OTOF: variants seen among roughly 807,000 people sequenced by gnomAD.
OTOF encodes otoferlin, also known as fer-1-like family member 2.
OTOF carries 218 observed loss-of-function variants against 236.8 expected under a neutral mutation model. That is an observed-to-expected ratio of 0.92 (90% CI 0.82 to 1.03). The LOEUF is 1.03. OTOF is among the 50% of genes least tolerant of loss of function. The pLI, the probability that OTOF is intolerant of heterozygous loss-of-function variation, is 0.00. For synonymous variants in OTOF, 1,041 were observed against 1,072.5 expected, an observed-to-expected ratio of 0.97 and a Z score of 0.57; for missense variants, 2,590 against 2,694.4, an observed-to-expected ratio of 0.96 and a Z score of 0.86.
intron 14 of OTOF, 75 bp from the exon 15 acceptor site, chr2:26,481,084 G>A (rs1364491981): frequency 9.1e-7 from 1 of 1,099,114 alleles, no homozygotes; most frequent in Non-Finnish European, 1.4e-6. Flanking sequence ...CTCTTTTGGG[G>A]GTCCCTGGCC....
intron 30 of OTOF, among the ~76,000 whole-genome samples, chr2:26,471,918 GCA>G (rs1305283239): frequency 2.7e-5 from 4 of 150,936 alleles, no homozygotes; most frequent in Non-Finnish European, 4.4e-5. Flanking sequence ...CCACACTCAT[GCA>G]CATTTACCTA....
chr2:26,554,870 C>T (rs1435160617), intron 1 of OTOF, among the ~76,000 whole-genome samples: 1 of 152,176 alleles, frequency 6.6e-6, no homozygotes, highest in Non-Finnish European at 1.5e-5. Flanking sequence ...TATGTGGAAG[C>T]CAGATCCAGC....
chr2:26,527,464 C>A (rs1335951191), intron 3 of OTOF, among the ~76,000 whole-genome samples: 2 of 152,186 alleles, frequency 1.3e-5, no homozygotes, highest in Non-Finnish European at 2.9e-5. Flanking sequence ...TGGAGGAGAT[C>A]ATCAGCCCCT....
At chr2:26,486,076 T>C (rs1558493463) in intron 11 of OTOF, among the ~76,000 whole-genome samples, 1 of 151,890 alleles carries the variant, frequency 6.6e-6, no homozygotes, top group Non-Finnish European at 1.5e-5. Flanking sequence ...GGCTGAGAGA[T>C]AGACGGACAG....
intron 8 of OTOF, among the ~76,000 whole-genome samples, chr2:26,497,262 G>A (rs547577591): frequency 6.6e-6 from 1 of 151,976 alleles, no homozygotes; most frequent in South Asian, 2.1e-4. Context: ...GCCACCGCAC[G>A]GCTAATTTTT....
chr2:26,513,761 C>T (rs950435273), intron 5 of OTOF, among the ~76,000 whole-genome samples: 19 of 152,324 alleles, frequency 1.2e-4, no homozygotes, highest in African/African-American at 3.8e-4. Flanking sequence ...GGGCTCCTAA[C>T]GGGGTCAGAG....
chr2:26,460,856 A>G lies in OTOF; in HGVS notation c.5708T>C (p.Leu1903Pro), dbSNP rs1664429155. 3.7e-6 allele frequency: 6 copies of G among 1,613,828 alleles called. No individual in the cohort carries two copies. Among genetic ancestry groups the G allele is most frequent in the Non-Finnish European group, 5.1e-6 (6 of 1,179,960 alleles). Residue 1903 changes from leucine to proline, a missense_variant, in exon 44 of 47, where the codon CTC becomes CCC. Coordinates refer to ENST00000272371, the MANE Select transcript of OTOF (RefSeq NM_194248.3). This position sits in a 1 kb window ranked among gnomAD's most constrained non-coding sequence, Gnocchi z 5.3. ...LARNENDEFE[L>P]TGKVEAELHL... Reference sequence around the variant, plus strand: ...CGAGCAGGAAGGGGTGCGCACCGTGAGCTCAAACTCATCGTTCTCATTGCG... The same window carrying G: ...CGAGCAGGAAGGGGTGCGCACCGTGGGCTCAAACTCATCGTTCTCATTGCG...
At chr2:26,489,607 C>T (rs1665787746) in intron 10 of OTOF, 71 bp downstream of exon 10, 2 of 1,322,560 alleles carry the variant, frequency 1.5e-6, no homozygotes, top group Non-Finnish European at 2.2e-6. Context: ...CAGAGGGGGC[C>T]CCTCTCAAGT....
At chr2:26,480,676 C>T (rs1201773983) in intron 15 of OTOF, 110 bp downstream of exon 15, 5 of 880,638 alleles carry the variant, frequency 5.7e-6, no homozygotes, top group African/African-American at 1.6e-5. Context: ...TGAGGTATGA[C>T]TCCTCAGGTA....
Position 26,470,460 on chromosome 2 carries a change from T to C in OTOF, c.4023+133A>G. On this transcript the variant is annotated intron_variant, in intron 32 of 46. Transcript: ENST00000272371. The surrounding 1 kb of genome is among the most constrained non-coding windows in gnomAD (Gnocchi z 4.3). Reference sequence around the variant, plus strand: ...GAGTTCTGAGCTAGGATTTCAAGGATGTGAGACAAAACCATCCCAAACTCA... The same window carrying C: ...GAGTTCTGAGCTAGGATTTCAAGGACGTGAGACAAAACCATCCCAAACTCA... 2.3e-6 allele frequency: 2 copies of C among 871,028 alleles called. No homozygotes were observed. The highest frequency in any genetic ancestry group is 3.2e-4 in the Middle Eastern group (1 of 3,082). The allele number at this position is 871,028 out of a possible 1,614,324, so 54.0% of individuals were successfully genotyped here. A position where few individuals can be genotyped will look rare whatever the true frequency, so the allele number is the denominator to read the frequency against.
At chr2:26,476,402 T>C (rs1665271654) in intron 22 of OTOF, 85 bp from the exon 23 acceptor site, 1 of 1,292,386 alleles carries the variant, frequency 7.7e-7, no homozygotes, top group Non-Finnish European at 1.1e-6. Context: ...GCAGAGGCCC[T>C]GGTCAGAGCT....
intron 2 of OTOF, among the ~76,000 whole-genome samples, chr2:26,535,868 C>A (rs187998187): frequency 3.9e-5 from 6 of 152,328 alleles, no homozygotes; most frequent in Admixed American, 3.3e-4. Flanking sequence ...TGGTGATTAA[C>A]TTTGAATGTC....
rs746949065 is a variant in OTOF, at chr2:26,477,429, C to A, written c.2393G>T (p.Cys798Phe). The change falls in exon 20 of 47, where the codon TGC becomes TTC. Residue 798 changes from cysteine (C) to phenylalanine (F), a missense_variant. Cys to Phe is a radical substitution (Grantham distance 205). Transcript: ENST00000272371. This position sits in a 1 kb window ranked among gnomAD's most constrained non-coding sequence, Gnocchi z 4.7. Reference sequence around the variant, plus strand: ...TTGCGTCCTCACCAGCTCCCTCATGCAGGACTTGAGGCGCTCCCGGTCAAG... The same window carrying A: ...TTGCGTCCTCACCAGCTCCCTCATGAAGGACTTGAGGCGCTCCCGGTCAAG... ...TRLDRERLKS[C>F]MRELENMGQQ... The A allele has an allele frequency of 2.5e-6, 4 of 1,591,444 alleles. No individual in the cohort carries two copies. In the Admixed American group the frequency reaches 5.3e-5, roughly 21 times the overall value.
chr2:26,502,462 T>C (rs1176608858), intron 6 of OTOF, 36 bp from the exon 7 acceptor site: 3 of 1,602,088 alleles, frequency 1.9e-6, no homozygotes, highest in Non-Finnish European at 2.6e-6. Flanking sequence ...GTGGGCTGAC[T>C]GATGGTGAGA....
At chr2:26,482,689 A>T in intron 13 of OTOF, 97 bp from the exon 14 acceptor site, 1 of 957,976 alleles carries the variant, frequency 1.0e-6, no homozygotes. Flanking sequence ...GTGAGTGGGC[A>T]CATGTGTGCA....
In OTOF at chr2:26,516,610, G is replaced by A. The variant is rs369879663; in HGVS notation, c.328-11C>T. The A allele has an allele frequency of 1.6e-4, 255 of 1,602,422 alleles. 1 individual carries two copies. The highest frequency in any genetic ancestry group is 2.0e-4 in the Non-Finnish European group (238 of 1,179,936). ...CACGCACAGGCTGGTCTGAAGGGAGGGAGGCGGTGGTGAGCAGCTGGGATG... is the reference window on the plus strand; with the variant it reads ...CACGCACAGGCTGGTCTGAAGGGAGAGAGGCGGTGGTGAGCAGCTGGGATG... On this transcript the variant is annotated splice_polypyrimidine_tract_variant and intron_variant, in intron 4 of 46. Transcript: ENST00000272371.
At chr2:26,464,817 C>A in intron 39 of OTOF, 52 bp downstream of exon 39, 1 of 1,560,562 alleles carries the variant, frequency 6.4e-7, no homozygotes, top group Non-Finnish European at 8.7e-7. Context: ...CCCTCCTGGC[C>A]TCTGAAACCC....
intron 4 of OTOF, among the ~76,000 whole-genome samples, chr2:26,518,361 C>G (rs1202079378): frequency 6.6e-6 from 1 of 152,222 alleles, no homozygotes; most frequent in Non-Finnish European, 1.5e-5. Context: ...TTGCCTAAGT[C>G]ACACAGTTAG....
rs1317325011 is a variant in OTOF, at chr2:26,495,072, A to G, written c.767T>C (p.Val256Ala). 1.9e-6 allele frequency: 3 copies of G among 1,614,060 alleles called. No individual in the cohort carries two copies. The South Asian group carries it at 3.3e-5, about 18-fold the overall frequency. The change falls in exon 9 of 47, where the codon GTC becomes GCC. Residue 256 changes from valine to alanine, a missense_variant and splice_region_variant. By Grantham distance (64) the Val-to-Ala change is moderately conservative. Around this residue, in one of 2 missense-constraint regions of OTOF, gnomAD observed 1,379 missense variants for 1,341.6 expected, o/e 1.03. Transcript: ENST00000272371. Reference protein sequence around the residue: ...PSAGRPMDYQVSITVIEARQL... With the variant: ...PSAGRPMDYQASITVIEARQL... ...CCGGGCCTCGATCACCGTGATGCTG[A>G]CCTGCAGGCAGGAGAAGGGGGAGCC... is the stretch of plus-strand genomic sequence containing the variant.
Sources: allele counts gnomAD v4.1 joint callset (sites outside exome capture counted in the v4.1 genomes callset), GRCh38; gene constraint gnomAD v4.1.1; regional missense constraint gnomAD v4.1.1; non-coding constraint Gnocchi (gnomAD v3.1); transcripts MANE v1.5; gene names NCBI Gene and HGNC (gene_info 2026-07-23, HGNC 2026-07-21).